Variants in CENPL observed in about 807,000 individuals in gnomAD.
CENPL encodes interphase centromere complex protein 33.
CENPL carries 20 observed loss-of-function variants against 35.2 expected under a neutral mutation model. The observed-to-expected ratio is 0.57, with a 90% CI of 0.40 to 0.83. The LOEUF (loss-of-function observed/expected upper bound fraction) is 0.83, where lower values mean the gene tolerates loss of function less well. CENPL is among the 40% of genes least tolerant of loss of function. The probability of loss-of-function intolerance (pLI) is 0.00; values close to 1 mark genes in which losing one functional copy is unlikely to be tolerated. For missense variants in CENPL, 363 were observed against 395.8 expected, an observed-to-expected ratio of 0.92 and a Z score of 0.70; for synonymous variants, 140 against 140.6, an observed-to-expected ratio of 1.00 and a Z score of 0.03.
At chr1:173,814,861 C>CA (rs1011037751) in intron 2 of CENPL, among the ~76,000 whole-genome samples, 12 of 151,968 alleles carry the variant, frequency 7.9e-5, no homozygotes, top group African/African-American at 2.7e-4. Flanking sequence ...GATAGAAACA[C>CA]AAAAAAACTC....
At chr1:173,804,312 C>T (rs531506838) in intron 4 of CENPL, among the ~76,000 whole-genome samples, 4 of 152,324 alleles carry the variant, frequency 2.6e-5, no homozygotes, top group Non-Finnish European at 5.9e-5. Context: ...CAGGAAAAGT[C>T]CTTCAAATAT....
chr1:173,800,505 T>C lies in CENPL; in HGVS notation c.978A>G (p.Lys326=). ...TDGKIKILCH[K]YLIGVLAYLT... The stretch of plus-strand genomic sequence containing the variant: ...AATATGCTAACACTCCAATAAGGTA[T>C]TTATGACACAGAATCTGCAAAAAGA... The change falls in exon 6 of 6, where the codon AAA becomes AAG. Residue 326 remains lysine, a synonymous_variant. Transcript: ENST00000682279. 6.9e-7 allele frequency: 1 copy of C among 1,456,404 alleles called. No individual in the cohort carries two copies. The highest frequency in any genetic ancestry group is 9.6e-7 in the Non-Finnish European group (1 of 1,044,478). The allele number at this position is 1,456,404 out of a possible 1,614,324, so 90.2% of individuals were successfully genotyped here.
intron 2 of CENPL, among the ~76,000 whole-genome samples, chr1:173,820,979 A>G (rs1048416208): frequency 6.6e-6 from 1 of 152,198 alleles, no homozygotes; most frequent in Non-Finnish European, 1.5e-5. Flanking sequence ...TAGTGAATAC[A>G]TGACTCTACA....
At chr1:173,804,189 C>G (rs73037030) in intron 4 of CENPL, among the ~76,000 whole-genome samples, 3,746 of 152,274 alleles carry the variant, frequency 0.025, 165 homozygotes, top group African/African-American at 0.087. Context: ...CCTAAGGCAG[C>G]ACTATCAACT....
intron 2 of CENPL, among the ~76,000 whole-genome samples, chr1:173,812,797 C>T (rs911248648): frequency 2.0e-5 from 3 of 152,144 alleles, no homozygotes; most frequent in Admixed American, 6.5e-5. Context: ...TCGCCAGCAA[C>T]GGAACAAAGC....
Position 173,803,164 on chromosome 1 carries a change from G to C in CENPL, c.762C>G (p.Phe254Leu), listed in dbSNP as rs143910289. Residue 254 changes from phenylalanine (F) to leucine (L), a missense_variant, in exon 5 of 6, where the codon TTC becomes TTG. Coordinates refer to ENST00000682279, the MANE Select transcript of CENPL (RefSeq NM_001387287.1). ...CTTTTGCATCCTCTGGATGTATTGC[G>C]AAAGAAATGTCCAGACTTTGAGGGC... ...PCSPQSLDIS[F>L]AIHPEDAKAL... 4 of 1,613,630 alleles carry C rather than the reference G, an allele frequency of 2.5e-6. No homozygotes were observed. The highest frequency in any genetic ancestry group is 1.7e-4 in the Middle Eastern group (1 of 6,060).
At chr1:173,807,994 G>C (rs185158485) in intron 3 of CENPL, among the ~76,000 whole-genome samples, 89 of 152,246 alleles carry the variant, frequency 5.8e-4, no homozygotes, top group Non-Finnish European at 1.2e-3. Context: ...ATGCTATCTA[G>C]AATAAGTGTT....
intron 2 of CENPL, among the ~76,000 whole-genome samples, chr1:173,816,659 C>T (rs796212643): frequency 6.6e-6 from 1 of 152,160 alleles, no homozygotes; most frequent in South Asian, 2.1e-4. Flanking sequence ...GGATCCCTTC[C>T]TTACACCTTA....
chr1:173,812,987 G>A (rs1166930405), intron 2 of CENPL, among the ~76,000 whole-genome samples: 1 of 152,186 alleles, frequency 6.6e-6, no homozygotes, highest in African/African-American at 2.4e-5. Flanking sequence ...TAAATGACCT[G>A]ATGGAGCTGA....
At chr1:173,805,599 T>TA (rs971572218) in intron 4 of CENPL, among the ~76,000 whole-genome samples, 16 of 151,940 alleles carry the variant, frequency 1.1e-4, no homozygotes, top group African/African-American at 3.9e-4. Flanking sequence ...AACTAAGATG[T>TA]AAAGAGAAGT....
intron 4 of CENPL, 49 bp downstream of exon 4, chr1:173,807,218 A>G (rs998497642): frequency 1.4e-6 from 2 of 1,432,116 alleles, no homozygotes; most frequent in Non-Finnish European, 1.9e-6. Context: ...TAGTCAAACA[A>G]GACATAATAC....
At chr1:173,813,680 A>G (rs1374495541) in intron 2 of CENPL, among the ~76,000 whole-genome samples, 1 of 152,222 alleles carries the variant, frequency 6.6e-6, no homozygotes, top group African/African-American at 2.4e-5. Context: ...AGGAAGCACT[A>G]AACATGGAAA....
intron 2 of CENPL, among the ~76,000 whole-genome samples, chr1:173,812,466 C>T (rs1291212783): frequency 6.6e-6 from 1 of 152,220 alleles, no homozygotes; most frequent in East Asian, 1.9e-4. Context: ...GACGAAGCTT[C>T]CAGAGGAAGG....
At chr1:173,819,648 T>A (rs1651751572) in intron 2 of CENPL, among the ~76,000 whole-genome samples, 1 of 152,110 alleles carries the variant, frequency 6.6e-6, no homozygotes, top group Non-Finnish European at 1.5e-5. Context: ...TTTTGAAAAG[T>A]TTTTTACGAA....
rs188383517 is a variant in CENPL, at chr1:173,812,143, G to A, written c.-7-837C>T. Among the ~76,000 whole-genome samples the A allele has an allele frequency of 3.8e-4, 57 of 151,560 alleles. No homozygotes were observed. In the East Asian group the frequency reaches 8.9e-3, roughly 24 times the overall value. ...GGCGTCCGCCATTGCTGAGGCTTGA[G>A]TAGGTAAACAAAGTGGCCATGAAGC... is the stretch of plus-strand genomic sequence containing the variant. On this transcript the variant is annotated intron_variant, in intron 2 of 5. Coordinates refer to ENST00000682279, the MANE Select transcript of CENPL (RefSeq NM_001387287.1).
At position 173,811,199 on chromosome 1, in the gene CENPL, AC is replaced by A; in HGVS notation, c.100del (p.Val34SerfsTer9). The part of the protein sequence containing the change: ...ATPLQKRLES[V>X]RKQSSFILTP... ...CAGGATAAATGAACTCTGCTTCCTGACCGATTCTAATCGTTTCTGCAGAGGA... is the reference window on the plus strand; with the variant it reads ...CAGGATAAATGAACTCTGCTTCCTGACGATTCTAATCGTTTCTGCAGAGGA... On this transcript the variant is annotated frameshift_variant, in exon 3 of 6. Coordinates refer to ENST00000682279, the MANE Select transcript of CENPL (RefSeq NM_001387287.1). LOFTEE classifies it high-confidence loss of function. 6.2e-7 allele frequency: 1 copy of A among 1,614,090 alleles called. No individual in the cohort carries two copies. The highest frequency in any genetic ancestry group is 8.5e-7 in the Non-Finnish European group (1 of 1,179,962).
chr1:173,800,948 C>T (rs1450227101), intron 5 of CENPL, among the ~76,000 whole-genome samples: 2 of 152,088 alleles, frequency 1.3e-5, no homozygotes, highest in Non-Finnish European at 2.9e-5. Context: ...AAGAATGAGA[C>T]TCTCTCTAAA....
In CENPL at chr1:173,811,163, C is replaced by T. The variant is rs767450186; in HGVS notation, c.137G>A (p.Arg46Gln). The change falls in exon 3 of 6, where the codon CGA becomes CAA. Residue 46 changes from arginine (R) to glutamine (Q), a missense_variant. Transcript: ENST00000682279. ...KQSSFILTPP[R>Q]RKIPQCSQLQ... ...CTGCGAACACTGGGGAATTTTCCTT[C>T]GAGGTGGAGTCAGGATAAATGAACT... is the stretch of plus-strand genomic sequence containing the variant. 3.7e-6 allele frequency: 6 copies of T among 1,613,184 alleles called. No individual in the cohort carries two copies. Among genetic ancestry groups the T allele is most frequent in the Admixed American group, 1.7e-5 (1 of 59,980 alleles).
chr1:173,808,110 T>A lies in CENPL; in HGVS notation c.169-592A>T, dbSNP rs568573384. 2.0e-5 allele frequency among the ~76,000 whole-genome samples: 3 copies of A among 152,266 alleles called. No individual in the cohort carries two copies. The South Asian group carries it at 6.2e-4, about 31-fold the overall frequency. On this transcript the variant is annotated intron_variant, in intron 3 of 5. Transcript: ENST00000682279. ...AAGTATCTAATTTGATTAGTCTTAA[T>A]TTAAAAAATTGTTTGGGCCAGGCAC...
Sources: allele counts gnomAD v4.1 joint callset (sites outside exome capture counted in the v4.1 genomes callset), GRCh38; gene constraint gnomAD v4.1.1; transcripts MANE v1.5; gene names NCBI Gene and HGNC (gene_info 2026-07-23, HGNC 2026-07-21).